The following GAREM1 variants were observed in gnomAD, a reference collection of about 807,000 sequenced individuals.
The protein encoded by GAREM1 is GRB2 associated regulator of MAPK1 subtype 1.
In GAREM1, 26 loss-of-function variants were observed where a neutral mutation model predicts 71.3. The observed-to-expected ratio is 0.36, with a 90% CI of 0.27 to 0.51. GAREM1 has a LOEUF of 0.51. GAREM1 is among the 20% of genes least tolerant of loss of function. The pLI is 0.95. For missense variants in GAREM1, 1,026 were observed against 1,103.1 expected, an observed-to-expected ratio of 0.93 and a Z score of 0.99; for synonymous variants, 440 against 433.2, an observed-to-expected ratio of 1.02 and a Z score of -0.20.
intron 2 of GAREM1, among the ~76,000 whole-genome samples, chr18:32,371,701 G>C (rs114868243): frequency 4.6e-5 from 7 of 152,200 alleles, no homozygotes; most frequent in African/African-American, 1.7e-4. Flanking sequence ...GTGGGCCCAG[G>C]ATGGTACTCT....
At chr18:32,412,547 G>A (rs1235196847) in intron 1 of GAREM1, 25 of 1,596,502 alleles carry the variant, frequency 1.6e-5, no homozygotes, top group African/African-American at 5.3e-5. Flanking sequence ...CATTCCCACC[G>A]AAACCACCTC....
At chr18:32,303,057 G>C (rs958704881) in intron 3 of GAREM1, among the ~76,000 whole-genome samples, 1 of 152,196 alleles carries the variant, frequency 6.6e-6, no homozygotes, top group Non-Finnish European at 1.5e-5. Context: ...GGCAGCGACT[G>C]TATGCCACAT....
chr18:32,339,566 CA>C (rs1246793302), intron 2 of GAREM1, among the ~76,000 whole-genome samples: 7 of 152,240 alleles, frequency 4.6e-5, no homozygotes, highest in Non-Finnish European at 4.4e-5. Context: ...ACCTCATTCA[CA>C]CCTACAGCAT....
At position 32,270,841 on chromosome 18, in the gene GAREM1, G is replaced by A. The variant is rs537102195; in HGVS notation, c.1567-458C>T. 2.7e-5 allele frequency among the ~76,000 whole-genome samples: 4 copies of A among 148,714 alleles called. No individual in the cohort carries two copies. In the East Asian group the frequency reaches 7.9e-4, roughly 30 times the overall value. On this transcript the variant is annotated intron_variant, in intron 4 of 5. Transcript: ENST00000269209. Reference sequence around the variant, plus strand: ...TGAATTCAATTTGATCCAAACCTTAGAGAACCCTGGACCTGGTCCAGAGCT... The same window carrying A: ...TGAATTCAATTTGATCCAAACCTTAAAGAACCCTGGACCTGGTCCAGAGCT...
At chr18:32,331,183 A>G (rs2047531917) in intron 2 of GAREM1, among the ~76,000 whole-genome samples, 1 of 152,148 alleles carries the variant, frequency 6.6e-6, no homozygotes, top group African/African-American at 2.4e-5. Flanking sequence ...TTTCTCCCTC[A>G]TACTTAAAAA....
Position 32,288,073 on chromosome 18 carries a change from T to G in GAREM1, c.524A>C (p.Asn175Thr). 1 of 1,614,164 alleles carries G rather than the reference T, an allele frequency of 6.2e-7. No homozygotes were observed. Among genetic ancestry groups the G allele is most frequent in the East Asian group, 2.2e-5 (1 of 44,872 alleles). ...CTTCCCAATCTTTTTGAAGATTGTG[T>G]TGAGTCGTGACTTTTCCTTGAATGT... ...AKTFKEKSRLNTIFKKIGKLN... is the reference protein window; with the variant it reads ...AKTFKEKSRLTTIFKKIGKLN... The change falls in exon 4 of 6, where the codon AAC becomes ACC. Residue 175 changes from asparagine (N) to threonine (T), a missense_variant. Physicochemically the swap from Asn to Thr is moderately conservative, Grantham distance 65. Transcript: ENST00000269209.
chr18:32,346,714 C>G (rs182513162), intron 2 of GAREM1, among the ~76,000 whole-genome samples: 3 of 152,300 alleles, frequency 2.0e-5, no homozygotes, highest in Admixed American at 1.3e-4. Context: ...GAAAGGGAAG[C>G]AGTGCAGAAT....
At chr18:32,421,461 T>C (rs902676577) in intron 1 of GAREM1, among the ~76,000 whole-genome samples, 23 of 152,200 alleles carry the variant, frequency 1.5e-4, no homozygotes, top group Admixed American at 6.5e-5. Context: ...AGAACCTTCC[T>C]AATGCCAATC....
intron 1 of GAREM1, among the ~76,000 whole-genome samples, chr18:32,422,543 T>C (rs1156607050): frequency 6.6e-6 from 1 of 152,238 alleles, no homozygotes; most frequent in Non-Finnish European, 1.5e-5. Context: ...TTAAGTTTCC[T>C]GTGTAACTGG....
At chr18:32,394,012 AT>A (rs1241069910) in intron 1 of GAREM1, among the ~76,000 whole-genome samples, 4 of 152,242 alleles carry the variant, frequency 2.6e-5, no homozygotes, top group Non-Finnish European at 5.9e-5. Context: ...ATTCTTAAAA[AT>A]TTCAGTACTT....
chr18:32,467,389 G>C (rs538739409), intron 1 of GAREM1, among the ~76,000 whole-genome samples: 1 of 152,294 alleles, frequency 6.6e-6, no homozygotes, highest in East Asian at 1.9e-4. Context: ...GTACCAGGAG[G>C]TAGCCCAGTT....
intron 1 of GAREM1, among the ~76,000 whole-genome samples, chr18:32,436,439 A>G (rs143192475): frequency 1.3e-5 from 2 of 152,202 alleles, no homozygotes; most frequent in African/African-American, 4.8e-5. Flanking sequence ...ATTTATCTAT[A>G]TTCTTCTAAC....
intron 1 of GAREM1, among the ~76,000 whole-genome samples, chr18:32,430,569 C>T (rs1000521474): frequency 2.0e-5 from 3 of 152,194 alleles, no homozygotes; most frequent in Admixed American, 1.3e-4. Context: ...TGTTTCTCCA[C>T]GGAATGCAGT....
At chr18:32,336,117 G>C (rs1598970088) in intron 2 of GAREM1, among the ~76,000 whole-genome samples, 1 of 152,074 alleles carries the variant, frequency 6.6e-6, no homozygotes, top group Admixed American at 6.5e-5. Flanking sequence ...AATAATTAAG[G>C]CCTGCCGGGA....
chr18:32,282,316 A>G (rs2046962545), intron 4 of GAREM1, among the ~76,000 whole-genome samples: 1 of 151,998 alleles, frequency 6.6e-6, no homozygotes, highest in South Asian at 2.1e-4. Flanking sequence ...GTCCCAGCTC[A>G]TTGGGAGGCT....
chr18:32,305,473 G>T (rs905837933), intron 3 of GAREM1, among the ~76,000 whole-genome samples: 3 of 152,000 alleles, frequency 2.0e-5, no homozygotes, highest in Admixed American at 6.6e-5. Context: ...AGTTCTCATT[G>T]GGGCTACACT....
intron 1 of GAREM1, among the ~76,000 whole-genome samples, chr18:32,405,852 G>T (rs1039143430): frequency 3.3e-5 from 5 of 152,178 alleles, no homozygotes; most frequent in African/African-American, 1.2e-4. Flanking sequence ...ACCTACCTAT[G>T]CCTGGACCAC....
chr18:32,368,588 T>C (rs2047948240), intron 2 of GAREM1, among the ~76,000 whole-genome samples: 1 of 152,220 alleles, frequency 6.6e-6, no homozygotes, highest in Non-Finnish European at 1.5e-5. Context: ...AACCTCTAGA[T>C]GGCAGGAAGT....
chr18:32,335,198 G>A (rs1416034242), intron 2 of GAREM1, among the ~76,000 whole-genome samples: 1 of 152,204 alleles, frequency 6.6e-6, no homozygotes, highest in Non-Finnish European at 1.5e-5. Flanking sequence ...TTCTCTCTCA[G>A]TGTGAAAGCT....
Sources: allele counts gnomAD v4.1 joint callset (sites outside exome capture counted in the v4.1 genomes callset), GRCh38; gene constraint gnomAD v4.1.1; transcripts MANE v1.5; gene names NCBI Gene and HGNC (gene_info 2026-07-23, HGNC 2026-07-21).